The following ABLIM2 variants were observed in gnomAD, a reference collection of about 807,000 sequenced individuals.
The protein encoded by ABLIM2 is actin binding LIM protein family member 2.
In ABLIM2, 53 loss-of-function variants were observed where a neutral mutation model predicts 97.7. That is an observed-to-expected ratio of 0.54 (90% CI 0.44 to 0.68). The LOEUF is 0.68. ABLIM2 is among the 30% of genes least tolerant of loss of function. The pLI is 0.00. For missense variants in ABLIM2, 835 were observed against 867.2 expected (o/e 0.96, Z 0.47); for synonymous variants, 361 against 345.8 (o/e 1.04, Z -0.49).
Position 8,088,338 on chromosome 4 carries a change from G to C in ABLIM2, c.339-54C>G. 3 of 1,430,330 alleles carry C rather than the reference G, an allele frequency of 2.1e-6. No homozygotes were observed. In the South Asian group the frequency reaches 3.6e-5, roughly 17 times the overall value. 88.6% of individuals were successfully genotyped at this position (1,430,330 alleles called of 1,614,324 possible). ...GGCCCACCTTCTGGCTCCTCTCTGG[G>C]GGAGCCCTGTCCCAGTGCAGGAGAC... On this transcript the variant is annotated intron_variant, in intron 3 of 20. Coordinates refer to ENST00000447017, the MANE Select transcript of ABLIM2 (RefSeq NM_001130083.2).
rs1749516986 is a variant in ABLIM2 at position 7,992,346 on chromosome 4, T to G, written c.1680+520A>C. ...TTCAGCTAGGGGCAGCCAAAGAGCC[T>G]GACTTCAAGTTAATCCAATCTCCGT... On this transcript the variant is annotated intron_variant, in intron 17 of 20. Coordinates refer to ENST00000447017, the MANE Select transcript of ABLIM2 (RefSeq NM_001130083.2). The surrounding 1 kb of genome is among the most constrained non-coding windows in gnomAD (Gnocchi z 5.7). Among the ~76,000 whole-genome samples the G allele has an allele frequency of 6.6e-6, 1 of 152,168 alleles. No homozygotes were observed.
chr4:8,065,807 C>T (rs1440332485), intron 6 of ABLIM2, among the ~76,000 whole-genome samples: 1 of 151,890 alleles, frequency 6.6e-6, no homozygotes, highest in South Asian at 2.1e-4. Flanking sequence ...GCCTGTAATC[C>T]CAGCTACTCA....
intron 3 of ABLIM2, among the ~76,000 whole-genome samples, chr4:8,090,723 T>TTA (rs1561318164): frequency 9.9e-5 from 15 of 152,186 alleles, no homozygotes; most frequent in African/African-American, 3.4e-4. Context: ...TTATTTTTAT[T>TTA]TTTTTGCGGG....
rs182270187 is a variant in ABLIM2 at position 8,082,865 on chromosome 4, C to G, written c.455-2063G>C. Among the ~76,000 whole-genome samples the G allele has an allele frequency of 3.3e-5, 5 of 152,344 alleles. No homozygotes were observed. In the East Asian group the frequency reaches 7.7e-4, roughly 24 times the overall value. On this transcript the variant is annotated intron_variant, in intron 4 of 20. Coordinates refer to ENST00000447017, the MANE Select transcript of ABLIM2 (RefSeq NM_001130083.2). This position sits in a 1 kb window ranked among gnomAD's most constrained non-coding sequence, Gnocchi z 5.6. Reference sequence around the variant, plus strand: ...CTTCCTGTGTCTCTGCAGAGTCAGACGACGCACAGCCCTGACTTAGCCTCC... The same window carrying G: ...CTTCCTGTGTCTCTGCAGAGTCAGAGGACGCACAGCCCTGACTTAGCCTCC...
In ABLIM2 at chr4:8,027,866, T is replaced by C. The variant is rs1156280599; in HGVS notation, c.1169-9A>G. 2 of 1,568,584 alleles carry C rather than the reference T, an allele frequency of 1.3e-6. No homozygotes were observed. The highest frequency in any genetic ancestry group is 1.7e-6 in the Non-Finnish European group (2 of 1,159,182). ...CACACTCACAGTACCAGCTACGGGGTAACAGAGAGCAAGTCAGAGTCAACC... is the reference window on the plus strand; with the variant it reads ...CACACTCACAGTACCAGCTACGGGGCAACAGAGAGCAAGTCAGAGTCAACC... On this transcript the variant is annotated splice_polypyrimidine_tract_variant and intron_variant, in intron 11 of 20. Transcript: ENST00000447017.
chr4:7,996,477 G>T lies in ABLIM2; in HGVS notation c.1619-3550C>A, dbSNP rs902956301. On this transcript the variant is annotated intron_variant, in intron 16 of 20. Coordinates refer to ENST00000447017, the MANE Select transcript of ABLIM2 (RefSeq NM_001130083.2). The surrounding 1 kb of genome is among the most constrained non-coding windows in gnomAD (Gnocchi z 4.5). ...ATGCAGGTGGAAACCTTGCTTCCGC[G>T]AAGGCCATTTTATCCTCCCCACTTT... Among the ~76,000 whole-genome samples the T allele has an allele frequency of 8.5e-5, 13 of 152,172 alleles. No homozygotes were observed. Among genetic ancestry groups the T allele is most frequent in the African/African-American group, 3.1e-4 (13 of 41,448 alleles).
chr4:8,152,673 T>C (rs1263495529), intron 1 of ABLIM2, among the ~76,000 whole-genome samples: 2 of 152,218 alleles, frequency 1.3e-5, no homozygotes, highest in African/African-American at 4.8e-5. Flanking sequence ...GCCGCGTCCA[T>C]CATGCGGGGA....
In ABLIM2 at chr4:8,032,831, C is replaced by T. The variant is rs531212478; in HGVS notation, c.1048-3055G>A. Reference sequence around the variant, plus strand: ...GAAAAGAACTCTACCCCGAGAGACACAAGTCAGGGTTCCAGAACCTTCTCT... The same window carrying T: ...GAAAAGAACTCTACCCCGAGAGACATAAGTCAGGGTTCCAGAACCTTCTCT... On this transcript the variant is annotated intron_variant, in intron 10 of 20. Coordinates refer to ENST00000447017, the MANE Select transcript of ABLIM2 (RefSeq NM_001130083.2). This position sits in a 1 kb window ranked among gnomAD's most constrained non-coding sequence, Gnocchi z 4.3. Among the ~76,000 whole-genome samples, 3 of 152,302 alleles carry T rather than the reference C, an allele frequency of 2.0e-5. No individual in the cohort carries two copies. Among genetic ancestry groups the T allele is most frequent in the Admixed American group, 1.3e-4 (2 of 15,308 alleles).
intron 6 of ABLIM2, among the ~76,000 whole-genome samples, chr4:8,062,879 C>T (rs73074083): frequency 0.036 from 5,505 of 152,256 alleles, 363 homozygotes; most frequent in African/African-American, 0.13. Flanking sequence ...GAGTTTGTGG[C>T]CTGTGACCTG....
chr4:8,010,455 C>T lies in ABLIM2; in HGVS notation c.1424-1353G>A, dbSNP rs564357781. 50 of 985,876 alleles carry T rather than the reference C, an allele frequency of 5.1e-5. No individual in the cohort carries two copies. The African/African-American group carries it at 6.5e-4, about 13-fold the overall frequency. The allele number at this position is 985,876 out of a possible 1,614,324, so 61.1% of individuals were successfully genotyped here. A position where few individuals can be genotyped will look rare whatever the true frequency, so the allele number is the denominator to read the frequency against. On this transcript the variant is annotated intron_variant, in intron 14 of 20. Coordinates refer to ENST00000447017, the MANE Select transcript of ABLIM2 (RefSeq NM_001130083.2). The stretch of plus-strand genomic sequence containing the variant: ...CTGCAGCGGGCGGCGGGCTCGGGCC[C>T]GTCTGTCTTTTGCCGTACCCTGCCT...
In ABLIM2 at chr4:8,128,390, G is replaced by A. The variant is rs553869989; in HGVS notation, c.11-21753C>T. ...CTAGCGAATCAGAGTCCAGCACCCC[G>A]TCATAGGATGCGTTGCACCTGCACA... On this transcript the variant is annotated intron_variant, in intron 1 of 20. Transcript: ENST00000447017. The surrounding 1 kb of genome is among the most constrained non-coding windows in gnomAD (Gnocchi z 4.9). Among the ~76,000 whole-genome samples the A allele has an allele frequency of 2.6e-5, 4 of 152,252 alleles. No individual in the cohort carries two copies. The highest frequency in any genetic ancestry group is 6.5e-5 in the Admixed American group (1 of 15,302).
intron 14 of ABLIM2, among the ~76,000 whole-genome samples, chr4:8,014,562 G>A (rs967440243): frequency 5.3e-5 from 8 of 152,204 alleles, no homozygotes; most frequent in African/African-American, 1.7e-4. Flanking sequence ...ACCTTGCTGA[G>A]CCTCTCACCT....
chr4:7,984,092 T>C (rs1019606393), intron 18 of ABLIM2, among the ~76,000 whole-genome samples: 3 of 136,840 alleles, frequency 2.2e-5, no homozygotes, highest in East Asian at 2.2e-4. Flanking sequence ...GTGTGGATCG[T>C]AGGGCCTCCA....
At chr4:8,107,343 C>T (rs933545740) in intron 1 of ABLIM2, among the ~76,000 whole-genome samples, 5 of 152,270 alleles carry the variant, frequency 3.3e-5, no homozygotes, top group Non-Finnish European at 5.9e-5. Context: ...CAGAGACCAG[C>T]GCCCAGGACA....
intron 1 of ABLIM2, among the ~76,000 whole-genome samples, chr4:8,121,709 C>A (rs1438691718): frequency 3.3e-5 from 5 of 152,218 alleles, no homozygotes; most frequent in Non-Finnish European, 5.9e-5. Context: ...TCTAGGCCTT[C>A]AGCGTACAGC....
At position 8,009,210 on chromosome 4, in the gene ABLIM2, G is replaced by A; in HGVS notation, c.1424-108C>T. On this transcript the variant is annotated intron_variant, in intron 14 of 20. Transcript: ENST00000447017. ...GCTCAAAAATGAAAAATCAATCAAA[G>A]AGAAGGTCAGTAGTACGAGTGCCTT... 3 of 1,380,764 alleles carry A rather than the reference G, an allele frequency of 2.2e-6. No individual in the cohort carries two copies. The East Asian group carries it at 6.9e-5, about 32-fold the overall frequency. The allele number at this position is 1,380,764 out of a possible 1,614,324, so 85.5% of individuals were successfully genotyped here.
rs1225594670 is a variant in ABLIM2, at chr4:8,082,421, G to C, written c.455-1619C>G. Among the ~76,000 whole-genome samples, 1 of 152,236 alleles carries C rather than the reference G, an allele frequency of 6.6e-6. No homozygotes were observed. The highest frequency in any genetic ancestry group is 1.5e-5 in the Non-Finnish European group (1 of 68,044). On this transcript the variant is annotated intron_variant, in intron 4 of 20. Coordinates refer to ENST00000447017, the MANE Select transcript of ABLIM2 (RefSeq NM_001130083.2). This position sits in a 1 kb window ranked among gnomAD's most constrained non-coding sequence, Gnocchi z 5.6. ...TGGCCCAAAGCCTTGCGCATCCCGG[G>C]TGAACAGTGAGCATCGGCGAGACCC...
chr4:8,152,954 C>A (rs1016764013), intron 1 of ABLIM2, among the ~76,000 whole-genome samples: 1 of 152,120 alleles, frequency 6.6e-6, no homozygotes, highest in South Asian at 2.1e-4. Context: ...GTAGGTTTTA[C>A]GGAGCCCTAC....
intron 10 of ABLIM2, among the ~76,000 whole-genome samples, chr4:8,035,031 T>C (rs980726609): frequency 2.8e-5 from 3 of 106,570 alleles, no homozygotes; most frequent in Admixed American, 1.0e-4. Flanking sequence ...GGTAGGTGGG[T>C]GCAGGTGGGT....
Sources: allele counts gnomAD v4.1 joint callset (sites outside exome capture counted in the v4.1 genomes callset), GRCh38; gene constraint gnomAD v4.1.1; non-coding constraint Gnocchi (gnomAD v3.1); transcripts MANE v1.5; gene names NCBI Gene and HGNC (gene_info 2026-07-23, HGNC 2026-07-21).